Variants in AKR1C8 observed in about 807,000 individuals in gnomAD.
AKR1C8 encodes the protein aldo-keto reductase family 1 member C-like protein 1.
chr10:5,116,571 C>T, the AKR1C8 span, among the ~76,000 whole-genome samples: 1 of 152,182 alleles, frequency 6.6e-6, no homozygotes, highest in Admixed American at 6.5e-5. Flanking sequence ...AGCACTGTCA[C>T]CAACTTTCTA....
the AKR1C8 span, among the ~76,000 whole-genome samples, chr10:5,162,337 T>A: frequency 1.3e-5 from 2 of 152,202 alleles, no homozygotes; most frequent in African/African-American, 4.8e-5. Flanking sequence ...GAAAGAATTA[T>A]TCTGAGAGAC....
the AKR1C8 span, among the ~76,000 whole-genome samples, chr10:5,133,103 G>T: frequency 1.3e-5 from 2 of 151,964 alleles, no homozygotes; most frequent in Non-Finnish European, 2.9e-5. Context: ...TATTATTTGA[G>T]ACAGAGTCTC....
At chr10:5,136,759 AGAG>A in the AKR1C8 span, among the ~76,000 whole-genome samples, 1 of 152,216 alleles carries the variant, frequency 6.6e-6, no homozygotes, top group East Asian at 1.9e-4. Context: ...AACTTCCTTT[AGAG>A]GAGGACATAA....
chr10:5,167,120 A>G, the AKR1C8 span, among the ~76,000 whole-genome samples: 1 of 151,208 alleles, frequency 6.6e-6, no homozygotes, highest in Non-Finnish European at 1.5e-5. Flanking sequence ...TGATCATTAA[A>G]AAGTCAGGAA....
At chr10:5,159,514 C>A in the AKR1C8 span, among the ~76,000 whole-genome samples, 1 of 152,114 alleles carries the variant, frequency 6.6e-6, no homozygotes, top group Non-Finnish European at 1.5e-5. Context: ...GATCTTCCTA[C>A]CTGTTCCTTT....
chr10:5,128,716 G>T, the AKR1C8 span, among the ~76,000 whole-genome samples: 2 of 151,710 alleles, frequency 1.3e-5, no homozygotes, highest in African/African-American at 4.8e-5. Context: ...AATGATAAAA[G>T]AATCAATCCA....
chr10:5,139,893 C>T, the AKR1C8 span, among the ~76,000 whole-genome samples: 92 of 152,022 alleles, frequency 6.1e-4, no homozygotes, highest in Non-Finnish European at 1.1e-3. Flanking sequence ...TTGCAACCTA[C>T]CCATCTGACA....
the AKR1C8 span, among the ~76,000 whole-genome samples, chr10:5,162,625 G>T: frequency 0.06 from 9,206 of 152,222 alleles, 337 homozygotes; most frequent in Middle Eastern, 0.078. Context: ...AAGGAGATAA[G>T]TATTATTTCC....
chr10:5,165,590 A>T, the AKR1C8 span, among the ~76,000 whole-genome samples: 1 of 152,184 alleles, frequency 6.6e-6, no homozygotes, highest in Non-Finnish European at 1.5e-5. Flanking sequence ...TGTCCCCATC[A>T]GCGGGAGGAC....
At chr10:5,138,518 C>G in the AKR1C8 span, among the ~76,000 whole-genome samples, 3 of 152,094 alleles carry the variant, frequency 2.0e-5, no homozygotes, top group Admixed American at 1.3e-4. Flanking sequence ...ATTGTTCAAA[C>G]ACACAAGTTT....
chr10:5,160,557 T>A, the AKR1C8 span, among the ~76,000 whole-genome samples: 1 of 152,170 alleles, frequency 6.6e-6, no homozygotes, highest in Admixed American at 6.5e-5. Flanking sequence ...CTTATAGGGC[T>A]CACATCCTCA....
At chr10:5,148,633 G>A in the AKR1C8 span, among the ~76,000 whole-genome samples, 3 of 152,214 alleles carry the variant, frequency 2.0e-5, no homozygotes, top group South Asian at 2.1e-4. Flanking sequence ...TATCTTACAC[G>A]TGAAAACAAA....
At chr10:5,126,090 G>A in the AKR1C8 span, among the ~76,000 whole-genome samples, 9 of 152,168 alleles carry the variant, frequency 5.9e-5, no homozygotes, top group Middle Eastern at 3.2e-3. Flanking sequence ...ATTCAGTAGG[G>A]AAAGTCTAAA....
At chr10:5,132,733 C>T in the AKR1C8 span, 21 of 1,540,106 alleles carry the variant, frequency 1.4e-5, no homozygotes, top group Non-Finnish European at 1.9e-5. Flanking sequence ...GCTTCTATTG[C>T]TAATTTTGTA....
chr10:5,178,880 A>G, the AKR1C8 span, among the ~76,000 whole-genome samples: 44 of 152,246 alleles, frequency 2.9e-4, no homozygotes, highest in East Asian at 5.8e-4. Flanking sequence ...GTCTCTGCAC[A>G]TGAGATGCGT....
chr10:5,154,529 T>C, the AKR1C8 span: 1 of 203,610 alleles, frequency 4.9e-6, no homozygotes, highest in Non-Finnish European at 1.0e-5. Context: ...CCAGGAGTCA[T>C]ATTGACACAG....
the AKR1C8 span, chr10:5,132,830 C>G: frequency 1.4e-6 from 1 of 693,874 alleles, no homozygotes. Context: ...AGTTCAGGCA[C>G]AAACAATGAC....
the AKR1C8 span, chr10:5,123,913 A>C: frequency 6.2e-5 from 81 of 1,301,472 alleles, no homozygotes; most frequent in Non-Finnish European, 7.5e-5. Context: ...GAGGTGAATA[A>C]ATATGTGTAG....
At chr10:5,126,028 T>A in the AKR1C8 span, among the ~76,000 whole-genome samples, 7 of 152,156 alleles carry the variant, frequency 4.6e-5, no homozygotes, top group Non-Finnish European at 8.8e-5. Context: ...GAGTTCCAGA[T>A]CTTTACACTG....
Sources: gnomAD v4.1 joint callset for allele counts (sites outside exome capture counted in the v4.1 genomes callset) on GRCh38, gnomAD v4.1.1 for gene constraint, MANE v1.5 for transcripts, NCBI Gene and HGNC (gene_info 2026-07-23, HGNC 2026-07-21) for gene names.